The following CD200 variants were observed in gnomAD, a reference collection of about 807,000 sequenced individuals.
CD200 encodes the protein OX-2 membrane glycoprotein.
A neutral mutation model predicts 30.9 loss-of-function variants in CD200; 15 were observed. The observed-to-expected ratio is 0.49, with a 90% CI of 0.32 to 0.75. The LOEUF (loss-of-function observed/expected upper bound fraction) is 0.75. Among genes scored for constraint, CD200 ranks in the 30% least tolerant of loss-of-function variants. The pLI is 0.03. For missense variants in CD200, 262 were observed against 324.2 expected (o/e 0.81, Z 1.47); for synonymous variants, 134 against 126.2 (o/e 1.06, Z -0.41).
chr3:112,352,851 C>A (rs921161795), intron 5 of CD200, among the ~76,000 whole-genome samples: 4 of 152,176 alleles, frequency 2.6e-5, no homozygotes, highest in Non-Finnish European at 4.4e-5. Context: ...CATTACTTTT[C>A]TTGTGATCCT....
At chr3:112,334,744 C>T (rs1348914706) in intron 1 of CD200, among the ~76,000 whole-genome samples, 1 of 137,758 alleles carries the variant, frequency 7.3e-6, no homozygotes, top group Non-Finnish European at 1.7e-5. Context: ...TGCACAGACT[C>T]GAGGAAAAAA....
chr3:112,339,791 T>C (rs1281670859), intron 1 of CD200, among the ~76,000 whole-genome samples: 6 of 152,254 alleles, frequency 3.9e-5, no homozygotes, highest in Non-Finnish European at 7.3e-5. Flanking sequence ...CCAGTTCATC[T>C]TGTGAGCAAT....
upstream of CD200, chr3:112,332,580 G>A (rs13072567): frequency 4.4e-5 from 8 of 181,170 alleles, no homozygotes; most frequent in Admixed American, 1.7e-4. Context: ...ACCACAGAGC[G>A]AGACTCCGTC....
intron 3 of CD200, among the ~76,000 whole-genome samples, chr3:112,345,624 A>G (rs533484933): frequency 6.6e-6 from 1 of 152,326 alleles, no homozygotes; most frequent in Admixed American, 6.5e-5. Flanking sequence ...GAAGGGTCCT[A>G]TCCACTCTCC....
At position 112,347,736 on chromosome 3, in the gene CD200, T is replaced by C; in HGVS notation, c.600T>C (p.His200=). ...NGTTSVTSIL[H]IKDPKNQVGK... ...CCACGTCTGTTACCAGCATCCTCCA[T>C]ATCAAAGACCCTAAGAATCAGGTGG... is the stretch of plus-strand genomic sequence containing the variant. The change falls in exon 4 of 6, where the codon CAT becomes CAC. Residue 200 remains histidine, a synonymous_variant. Transcript: ENST00000315711. 2 of 1,613,866 alleles carry C rather than the reference T, an allele frequency of 1.2e-6. No individual in the cohort carries two copies. Among genetic ancestry groups the C allele is most frequent in the East Asian group, 2.2e-5 (1 of 44,864 alleles).
intron 5 of CD200, among the ~76,000 whole-genome samples, chr3:112,360,334 AT>A (rs57219993): frequency 0.23 from 34,281 of 148,908 alleles, 4,160 homozygotes; most frequent in Non-Finnish European, 0.27. Flanking sequence ...TCTAAAAAAA[AT>A]ATATATATAT....
chr3:112,349,834 G>A lies in CD200; in HGVS notation c.802+15G>A, dbSNP rs1441140477. 1 of 1,586,562 alleles carries A rather than the reference G, an allele frequency of 6.3e-7. No individual in the cohort carries two copies. The highest frequency in any genetic ancestry group is 1.9e-5 in the Admixed American group (1 of 53,610). On this transcript the variant is annotated intron_variant, in intron 5 of 5. Transcript: ENST00000315711. The stretch of plus-strand genomic sequence containing the variant: ...TCAGGACCGAGGTGAGTTGTCACAG[G>A]GAGTTCAAAAAATGACATAAATTAA...
intron 1 of CD200, among the ~76,000 whole-genome samples, chr3:112,339,187 C>T (rs529780331): frequency 2.0e-4 from 31 of 152,212 alleles, no homozygotes; most frequent in Non-Finnish European, 2.9e-4. Flanking sequence ...TATTCCAGTA[C>T]TTTATTTTTG....
intron 5 of CD200, among the ~76,000 whole-genome samples, chr3:112,354,103 C>A (rs2081585476): frequency 6.6e-6 from 1 of 152,194 alleles, no homozygotes. Context: ...CCTGGACATT[C>A]TTGCCTGGAG....
At position 112,347,568 on chromosome 3, in the gene CD200, A is replaced by G. The variant is rs770171498; in HGVS notation, c.432A>G (p.Ile144Met). ...TACLTVYVQP[I>M]VSLHYKFSED... ...TATTTTTTGTCCCAGTACAGCCCAT[A>G]GTATCCCTTCACTACAAATTCTCTG... is the stretch of plus-strand genomic sequence containing the variant. Residue 144 changes from isoleucine (I) to methionine (M), a missense_variant, in exon 4 of 6, where the codon ATA becomes ATG. Ile to Met is a conservative substitution (Grantham distance 10). Transcript: ENST00000315711. The G allele has an allele frequency of 1.9e-6, 3 of 1,613,960 alleles. No individual in the cohort carries two copies.
chr3:112,350,033 T>A, intron 5 of CD200: 1 of 918,404 alleles, frequency 1.1e-6, no homozygotes, highest in Non-Finnish European at 1.3e-6. Context: ...TTTTGTTTGC[T>A]AAGATGACTT....
chr3:112,348,150 T>C lies in CD200; in HGVS notation c.694+320T>C, dbSNP rs1189056082. 2.6e-5 allele frequency among the ~76,000 whole-genome samples: 4 copies of C among 152,314 alleles called. No homozygotes were observed. The East Asian group carries it at 7.7e-4, about 29-fold the overall frequency. ...GAGTTGAACATGAAAAGTGCAGCAA[T>C]GAGCAAGACTCAGTCTCTAAGCTTC... is the stretch of plus-strand genomic sequence containing the variant. On this transcript the variant is annotated intron_variant, in intron 4 of 5. Transcript: ENST00000315711.
intron 1 of CD200, chr3:112,335,797 C>T (rs1559778597): frequency 4.3e-6 from 3 of 702,478 alleles, no homozygotes; most frequent in Non-Finnish European, 7.7e-6. Context: ...GCAGGCCAGT[C>T]TCTAACATGA....
chr3:112,340,464 A>G lies in CD200; in HGVS notation c.13-438A>G, dbSNP rs567331361. Among the ~76,000 whole-genome samples, 60 of 152,366 alleles carry G rather than the reference A, an allele frequency of 3.9e-4. 1 individual carries two copies. The highest frequency in any genetic ancestry group is 1.3e-3 in the African/African-American group (55 of 41,586). On this transcript the variant is annotated intron_variant, in intron 1 of 5. Coordinates refer to ENST00000315711, the MANE Select transcript of CD200 (RefSeq NM_005944.7). ...AACCTCAACAAAATTCAAGGCAGTCAAATAATGTTCTTGAAAAGTGGTTAC... is the reference window on the plus strand; with the variant it reads ...AACCTCAACAAAATTCAAGGCAGTCGAATAATGTTCTTGAAAAGTGGTTAC...
intron 1 of CD200, among the ~76,000 whole-genome samples, chr3:112,338,015 G>A (rs1468433613): frequency 2.0e-5 from 3 of 152,122 alleles, no homozygotes; most frequent in African/African-American, 7.2e-5. Flanking sequence ...CAGTGCAGAT[G>A]CTTTTTTAAA....
At chr3:112,339,141 G>A (rs761568663) in intron 1 of CD200, among the ~76,000 whole-genome samples, 1 of 152,132 alleles carries the variant, frequency 6.6e-6, no homozygotes, top group Non-Finnish European at 1.5e-5. Flanking sequence ...ATATAAGTTG[G>A]AGTATTATTT....
intron 2 of CD200, among the ~76,000 whole-genome samples, chr3:112,342,357 CTTTCTTTCT>C (rs2081275538): frequency 1.4e-4 from 2 of 14,124 alleles, no homozygotes; most frequent in African/African-American, 2.7e-4. Context: ...TTCTTTCTTT[CTTTCTTTCT>C]TTCTTTCTTT....
rs558177373 is a variant in CD200 at position 112,354,499 on chromosome 3, T to C, written c.802+4680T>C. On this transcript the variant is annotated intron_variant, in intron 5 of 5. Transcript: ENST00000315711. Reference sequence around the variant, plus strand: ...CATTTCAGTAGTATAGTCACACCCATATAATAAGCTTGCCTCTAAACAGAT... The same window carrying C: ...CATTTCAGTAGTATAGTCACACCCACATAATAAGCTTGCCTCTAAACAGAT... Among the ~76,000 whole-genome samples the C allele has an allele frequency of 5.9e-5, 9 of 152,332 alleles. No homozygotes were observed. The South Asian group carries it at 8.3e-4, about 14-fold the overall frequency.
chr3:112,359,581 T>C (rs1453392717), intron 5 of CD200, among the ~76,000 whole-genome samples: 2 of 152,212 alleles, frequency 1.3e-5, no homozygotes. Context: ...AAGGAAAGTA[T>C]TTCCATCTGA....
Sources: allele counts gnomAD v4.1 joint callset (sites outside exome capture counted in the v4.1 genomes callset), GRCh38; gene constraint gnomAD v4.1.1; transcripts MANE v1.5; gene names NCBI Gene and HGNC (gene_info 2026-07-23, HGNC 2026-07-21).